Variants in TENT4A observed in about 807,000 individuals in gnomAD.
TENT4A encodes the protein terminal nucleotidyltransferase 4A, also known as DNA polymerase kappa.
In TENT4A, 7 loss-of-function variants were observed where a neutral mutation model predicts 72.8. The ratio of observed to expected loss-of-function variants is 0.10; its 90% CI spans 0.05 to 0.18. The LOEUF (loss-of-function observed/expected upper bound fraction) is 0.18. TENT4A is among the 10% of genes least tolerant of loss of function. The probability of loss-of-function intolerance (pLI) is 1.00; values close to 1 mark genes in which losing one functional copy is unlikely to be tolerated. For synonymous variants in TENT4A, 456 were observed against 434.3 expected (o/e 1.05, Z -0.62); for missense variants, 831 against 1,017.7 (o/e 0.82, Z 2.50).
chr5:6,724,393 T>C (rs1740807169), intron 1 of TENT4A, among the ~76,000 whole-genome samples: 1 of 152,160 alleles, frequency 6.6e-6, no homozygotes, highest in Non-Finnish European at 1.5e-5. Flanking sequence ...GCCAAAAATA[T>C]AGAAAAGGAT....
In TENT4A at chr5:6,755,624, G is replaced by A. The variant is rs1254190813; in HGVS notation, c.*679G>A. The A allele has an allele frequency of 6.6e-6, 1 of 152,536 alleles. No individual in the cohort carries two copies. The highest frequency in any genetic ancestry group is 2.4e-5 in the African/African-American group (1 of 41,454). 9.4% of individuals were successfully genotyped at this position (152,536 alleles called of 1,614,324 possible). A position where few individuals can be genotyped will look rare whatever the true frequency, so the allele number is the denominator to read the frequency against. Reference sequence around the variant, plus strand: ...ACAAACACCATGATGAGGGGTTTGGGGTTTTATTTTGATGTCTTTTCTTTT... The same window carrying A: ...ACAAACACCATGATGAGGGGTTTGGAGTTTTATTTTGATGTCTTTTCTTTT... On this transcript the variant is annotated 3_prime_UTR_variant, in exon 13 of 13. Transcript: ENST00000230859.
intron 8 of TENT4A, among the ~76,000 whole-genome samples, chr5:6,748,964 C>G (rs1742251171): frequency 6.6e-6 from 1 of 152,114 alleles, no homozygotes; most frequent in Non-Finnish European, 1.5e-5. Flanking sequence ...ACTTCTCACC[C>G]AGATCATTCT....
chr5:6,738,375 G>A (rs1320838399), intron 2 of TENT4A, among the ~76,000 whole-genome samples: 1 of 152,180 alleles, frequency 6.6e-6, no homozygotes, highest in South Asian at 2.1e-4. Flanking sequence ...CCTTAGCTGT[G>A]GGTTTAAGAA....
At chr5:6,746,531 G>T in intron 7 of TENT4A, 104 bp downstream of exon 7, 1 of 961,126 alleles carries the variant, frequency 1.0e-6, no homozygotes, top group South Asian at 1.4e-5. Flanking sequence ...CAGTTCATTT[G>T]CTCTTGATGC....
rs1741306537 is a variant in TENT4A, at chr5:6,733,479, G to T, written c.717-4031G>T. Among the ~76,000 whole-genome samples the T allele has an allele frequency of 5.9e-5, 9 of 152,364 alleles. No homozygotes were observed. In the South Asian group the frequency reaches 1.9e-3, roughly 32 times the overall value. On this transcript the variant is annotated intron_variant, in intron 1 of 12. Transcript: ENST00000230859. ...TTTATTCTATTATGATCAATGCATA[G>T]AAATTTCTTCGATTTGGAGACTGAA...
chr5:6,724,074 C>T (rs749988935), intron 1 of TENT4A, among the ~76,000 whole-genome samples: 12 of 152,228 alleles, frequency 7.9e-5, no homozygotes, highest in Non-Finnish European at 1.3e-4. Flanking sequence ...CAATCCTGGA[C>T]TATAACTCAT....
At position 6,739,852 on chromosome 5, in the gene TENT4A, G is replaced by A; in HGVS notation, c.1008G>A (p.Thr336=). 1.9e-6 allele frequency: 3 copies of A among 1,613,644 alleles called. No homozygotes were observed. Among genetic ancestry groups the A allele is most frequent in the African/African-American group, 1.3e-5 (1 of 75,056 alleles). ...PCSIKVLDKA[T]VPIIKLTDQE... The stretch of plus-strand genomic sequence containing the variant: ...CCATCAAAGTCCTTGACAAGGCTAC[G>A]GTGAGTGCCTGGCTTTGGCCCCTCT... Residue 336 remains threonine, a splice_region_variant and synonymous_variant, in exon 4 of 13, where the codon ACG becomes ACA. Coordinates refer to ENST00000230859, the MANE Select transcript of TENT4A (RefSeq NM_006999.6).
chr5:6,738,810 T>G lies in TENT4A; in HGVS notation c.887+81T>G, dbSNP rs1305038230. The G allele has an allele frequency of 1.3e-5, 13 of 1,039,454 alleles. No individual in the cohort carries two copies. The Admixed American group carries it at 1.4e-4, about 11-fold the overall frequency. The allele number at this position is 1,039,454 out of a possible 1,614,324, so 64.4% of individuals were successfully genotyped here. A position where few individuals can be genotyped will look rare whatever the true frequency, so the allele number is the denominator to read the frequency against. On this transcript the variant is annotated intron_variant, in intron 3 of 12. Transcript: ENST00000230859. ...AATATTAAGGGCTACAAATAGATTCTTTGTAATTGAGTCTAAGGCGAGAAA... is the reference window on the plus strand; with the variant it reads ...AATATTAAGGGCTACAAATAGATTCGTTGTAATTGAGTCTAAGGCGAGAAA...
chr5:6,733,081 C>T (rs1741290291), intron 1 of TENT4A, among the ~76,000 whole-genome samples: 1 of 152,218 alleles, frequency 6.6e-6, no homozygotes, highest in Non-Finnish European at 1.5e-5. Flanking sequence ...CCGTTTAGCT[C>T]CTCAGCTGAG....
At position 6,742,438 on chromosome 5, in the gene TENT4A, G is replaced by A. The variant is rs1004637216; in HGVS notation, c.1009-52G>A. The A allele has an allele frequency of 8.7e-6, 10 of 1,144,508 alleles. No individual in the cohort carries two copies. The African/African-American group carries it at 1.2e-4, about 14-fold the overall frequency. 70.9% of individuals were successfully genotyped at this position (1,144,508 alleles called of 1,614,324 possible). ...AGCTTTGGCAGCATTTTGATGCCTG[G>A]CTGTGGAGAGTCCTGCATGTTAAAG... On this transcript the variant is annotated intron_variant, in intron 4 of 12. Coordinates refer to ENST00000230859, the MANE Select transcript of TENT4A (RefSeq NM_006999.6).
Position 6,737,632 on chromosome 5 carries a change from A to G in TENT4A, c.839A>G (p.Asp280Gly). 6.2e-7 allele frequency: 1 copy of G among 1,613,684 alleles called. No individual in the cohort carries two copies. The highest frequency in any genetic ancestry group is 8.5e-7 in the Non-Finnish European group (1 of 1,179,902). ...TVVKDLWPTA[D>G]VQIFGSFSTG... ...GTGAAAGACCTTTGGCCGACGGCTG[A>G]TGTGAGTATGTTCTTTGGAGTTCTG... The change falls in exon 2 of 13, where the codon GAT (aspartate) becomes GGT (glycine). Residue 280 changes from aspartate to glycine, a missense_variant and splice_region_variant. This residue lies in a region of TENT4A where 197 missense variants were observed against 399.6 expected (regional missense o/e 0.49). Transcript: ENST00000230859.
chr5:6,730,584 T>C (rs1182127980), intron 1 of TENT4A, among the ~76,000 whole-genome samples: 1 of 152,112 alleles, frequency 6.6e-6, no homozygotes, highest in Admixed American at 6.5e-5. Context: ...CACGTGAGCC[T>C]GCAGCTTCAT....
Position 6,714,674 on chromosome 5 carries a change from C to T in TENT4A, c.691C>T (p.Arg231Cys). Residue 231 changes from arginine (R) to cysteine (C), a missense_variant, in exon 1 of 13, where the codon CGC (arginine) becomes TGC (cysteine). By Grantham distance (180) the Arg-to-Cys change is radical (BLOSUM62 -3). This residue lies in a region of TENT4A where 302 missense variants were observed against 293.8 expected (regional missense o/e 1.03). Coordinates refer to ENST00000230859, the MANE Select transcript of TENT4A (RefSeq NM_006999.6). ...APRPGTPWKS[R>C]AYSPGIQGLH... ...GCGGCCCGGCACCCCGTGGAAGAGC[C>T]GCGCGTACAGCCCGGGCATCCAGGG... 3 of 1,196,298 alleles carry T rather than the reference C, an allele frequency of 2.5e-6. No homozygotes were observed. The highest frequency in any genetic ancestry group is 3.1e-6 in the Non-Finnish European group (3 of 964,970). The allele number at this position is 1,196,298 out of a possible 1,614,324, so 74.1% of individuals were successfully genotyped here. A position where few individuals can be genotyped will look rare whatever the true frequency, so the allele number is the denominator to read the frequency against.
At chr5:6,715,719 C>T (rs1217403688) in intron 1 of TENT4A, among the ~76,000 whole-genome samples, 1 of 152,190 alleles carries the variant, frequency 6.6e-6, no homozygotes, top group African/African-American at 2.4e-5. Context: ...CTCTTTTTCT[C>T]ATTTGAAGTA....
chr5:6,731,236 G>A (rs577976769), intron 1 of TENT4A, among the ~76,000 whole-genome samples: 41 of 152,340 alleles, frequency 2.7e-4, no homozygotes, highest in South Asian at 4.1e-4. Flanking sequence ...GGAAGAGTTG[G>A]AGGAGGAGAG....
chr5:6,754,235 C>T (rs776723869), intron 12 of TENT4A, among the ~76,000 whole-genome samples: 25 of 152,192 alleles, frequency 1.6e-4, no homozygotes, highest in Non-Finnish European at 3.1e-4. Context: ...GTGGTGTGAT[C>T]TCAGCTCACT....
At chr5:6,754,596 C>T (rs1279137264) in intron 12 of TENT4A, among the ~76,000 whole-genome samples, 155 bp from the exon 13 acceptor site, 4 of 152,170 alleles carry the variant, frequency 2.6e-5, no homozygotes, top group African/African-American at 7.2e-5. Flanking sequence ...GAATGCTTTT[C>T]TCTCAGATGG....
intron 9 of TENT4A, among the ~76,000 whole-genome samples, chr5:6,750,019 A>G (rs974953398): frequency 1.3e-5 from 2 of 152,176 alleles, no homozygotes; most frequent in Non-Finnish European, 2.9e-5. Flanking sequence ...TCCGGTGTGT[A>G]TTTATTCGTA....
At chr5:6,739,874 C>G (rs765377325) in intron 4 of TENT4A, 22 bp downstream of exon 4, 2 of 1,609,548 alleles carry the variant, frequency 1.2e-6, no homozygotes, top group Non-Finnish European at 1.7e-6. Context: ...GCTTTGGCCC[C>G]TCTGACCGGG....
Sources: gnomAD v4.1 joint callset for allele counts (sites outside exome capture counted in the v4.1 genomes callset) on GRCh38, gnomAD v4.1.1 for gene constraint, gnomAD v4.1.1 regional missense constraint, MANE v1.5 for transcripts, NCBI Gene and HGNC (gene_info 2026-07-23, HGNC 2026-07-21) for gene names.